ARHGAP6: variants seen among roughly 807,000 people sequenced by gnomAD.
The protein encoded by ARHGAP6 is rho GTPase-activating protein 6.
A neutral mutation model predicts 55.7 loss-of-function variants in ARHGAP6; 16 were observed. The observed-to-expected ratio is 0.29, with a 90% CI of 0.19 to 0.44. The LOEUF is 0.44. ARHGAP6 is among the 20% of genes least tolerant of loss of function. The probability of loss-of-function intolerance (pLI) is 1.00; values close to 1 mark genes in which losing one functional copy is unlikely to be tolerated. For missense variants in ARHGAP6, 698 were observed against 808.9 expected, an observed-to-expected ratio of 0.86 and a Z score of 1.66; for synonymous variants, 382 against 360.9, an observed-to-expected ratio of 1.06 and a Z score of -0.66.
chrX:11,423,518 C>T (rs1167033311), intron 1 of ARHGAP6, among the ~76,000 whole-genome samples: 1 of 112,121 alleles, frequency 8.9e-6, no homozygotes, highest in Non-Finnish European at 1.9e-5. Context: ...ACAGATGGTG[C>T]AGTGACCACA....
At chrX:11,174,389 C>T (rs1569240848) in intron 8 of ARHGAP6, among the ~76,000 whole-genome samples, 1 of 111,808 alleles carries the variant, frequency 8.9e-6, no homozygotes, top group East Asian at 2.8e-4. Flanking sequence ...CCTCCTCCAC[C>T]TCTTAGATGC....
At chrX:11,545,133 G>A (rs899914634) in intron 1 of ARHGAP6, among the ~76,000 whole-genome samples, 11 of 111,799 alleles carry the variant, frequency 9.8e-5, no homozygotes, top group African/African-American at 3.2e-4. Flanking sequence ...ATGAGGGGCA[G>A]GGAGTCAGGA....
chrX:11,634,773 TGTAATAAA>T (rs1043034780), intron 1 of ARHGAP6, among the ~76,000 whole-genome samples: 1 of 112,252 alleles, frequency 8.9e-6, no homozygotes, highest in Non-Finnish European at 1.9e-5. Context: ...CCTATTGCTA[TGTAATAAA>T]GTACTTCAAT....
intron 1 of ARHGAP6, among the ~76,000 whole-genome samples, chrX:11,275,538 C>G (rs1032099699): frequency 1.8e-5 from 2 of 111,599 alleles, no homozygotes; most frequent in Non-Finnish European, 3.8e-5. Flanking sequence ...TTAACACTTC[C>G]TCTCTGGGAA....
At chrX:11,256,522 T>C (rs1181345987) in intron 1 of ARHGAP6, among the ~76,000 whole-genome samples, 2 of 112,081 alleles carry the variant, frequency 1.8e-5, no homozygotes, top group African/African-American at 6.5e-5. Flanking sequence ...CAAAAGTGAA[T>C]GGCATGATGT....
chrX:11,344,226 C>G (rs1336103966), intron 1 of ARHGAP6, among the ~76,000 whole-genome samples: 1 of 111,276 alleles, frequency 9.0e-6, no homozygotes, highest in African/African-American at 3.3e-5. Context: ...GGTCTCTACC[C>G]ACTAGATGCC....
At chrX:11,599,727 C>A (rs1311154607) in intron 1 of ARHGAP6, among the ~76,000 whole-genome samples, 2 of 111,304 alleles carry the variant, frequency 1.8e-5, no homozygotes, top group Admixed American at 9.6e-5. Flanking sequence ...CTACAGGTAA[C>A]AATAGTGTAT....
In ARHGAP6 at chrX:11,281,730, C is replaced by T. The variant is rs532718015; in HGVS notation, c.589-27023G>A. 6.3e-5 allele frequency among the ~76,000 whole-genome samples: 7 copies of T among 111,778 alleles called. No homozygotes were observed. In the South Asian group the frequency reaches 2.6e-3, roughly 42 times the overall value. On this transcript the variant is annotated intron_variant, in intron 1 of 12. Transcript: ENST00000337414. ...TTCTCAAATGGTTATTAGTGGCCATCACTGGAGGATGGGATTTGTGGGACT... is the reference window on the plus strand; with the variant it reads ...TTCTCAAATGGTTATTAGTGGCCATTACTGGAGGATGGGATTTGTGGGACT...
At chrX:11,200,211 C>T (rs1346788187) in intron 2 of ARHGAP6, among the ~76,000 whole-genome samples, 1 of 112,612 alleles carries the variant, frequency 8.9e-6, no homozygotes, top group African/African-American at 3.2e-5. Flanking sequence ...GCTAACTGCT[C>T]CCAGTGTGTG....
chrX:11,225,853 C>CT (rs986893354), intron 2 of ARHGAP6: 118 of 229,447 alleles, frequency 5.1e-4, no homozygotes, highest in South Asian at 1.0e-3. Flanking sequence ...ATGGAAAGAC[C>CT]TTTTTTTTTG....
intron 1 of ARHGAP6, among the ~76,000 whole-genome samples, chrX:11,404,591 ATCTTAAAAAGTTTTGTG>A (rs2049588877): frequency 1.8e-5 from 2 of 112,222 alleles, no homozygotes; most frequent in South Asian, 7.4e-4. Context: ...CCAAAACCTC[ATCTTAAAAAGTTTTGTG>A]TTTGTGGGTG....
chrX:11,220,309 C>A (rs1200313655), intron 2 of ARHGAP6, among the ~76,000 whole-genome samples: 2 of 111,017 alleles, frequency 1.8e-5, no homozygotes, highest in Non-Finnish European at 3.8e-5. Flanking sequence ...TCGAGAAGAG[C>A]AACTCCAAGA....
intron 1 of ARHGAP6, among the ~76,000 whole-genome samples, chrX:11,580,934 A>C (rs184343621): frequency 1.1e-4 from 12 of 112,349 alleles, no homozygotes; most frequent in Admixed American, 1.0e-3. Flanking sequence ...CGCCATCTGC[A>C]ACTACTGGAA....
intron 1 of ARHGAP6, among the ~76,000 whole-genome samples, chrX:11,378,041 G>A (rs1218309208): frequency 8.9e-6 from 1 of 111,755 alleles, no homozygotes; most frequent in Non-Finnish European, 1.9e-5. Context: ...GGTGGCTCTA[G>A]GCTGTGTGGC....
chrX:11,575,241 A>G (rs985484791), intron 1 of ARHGAP6, among the ~76,000 whole-genome samples: 17 of 112,020 alleles, frequency 1.5e-4, no homozygotes, highest in African/African-American at 5.5e-4. Context: ...GGATGCCACA[A>G]GACAGAAGAA....
At chrX:11,599,138 C>A (rs1209435960) in intron 1 of ARHGAP6, among the ~76,000 whole-genome samples, 1 of 111,393 alleles carries the variant, frequency 9.0e-6, no homozygotes. Flanking sequence ...ACCTCATCTT[C>A]TTGATCTCTT....
At chrX:11,364,925 T>C (rs758456920) in intron 1 of ARHGAP6, among the ~76,000 whole-genome samples, 1 of 110,139 alleles carries the variant, frequency 9.1e-6, no homozygotes, top group Non-Finnish European at 1.9e-5. Flanking sequence ...CAGGAAGCCC[T>C]TACTGCAGGG....
At chrX:11,277,085 T>C (rs899773219) in intron 1 of ARHGAP6, among the ~76,000 whole-genome samples, 10 of 111,356 alleles carry the variant, frequency 9.0e-5, no homozygotes, top group South Asian at 3.9e-4. Flanking sequence ...TCTGTCTCTA[T>C]GGTTTTGCAT....
In ARHGAP6 at chrX:11,567,566, A is replaced by AATATATATAT. The variant is rs1556078452; in HGVS notation, c.588+96665_588+96674dup. The stretch of plus-strand genomic sequence containing the variant: ...GAGACTCCATCTCAAAAAAAAAAAA[A>AATATATATAT]ATATATATATATATTTGCCTCAGAG... On this transcript the variant is annotated intron_variant, in intron 1 of 12. Coordinates refer to ENST00000337414, the MANE Select transcript of ARHGAP6 (RefSeq NM_013427.3). Among the ~76,000 whole-genome samples the AATATATATAT allele has an allele frequency of 4.6e-3, 380 of 82,262 alleles. 1 individual carries two copies. Among genetic ancestry groups the AATATATATAT allele is most frequent in the Middle Eastern group, 7.2e-3 (1 of 138 alleles). The allele number at this position is 82,262 out of a possible 115,157, so 71.4% of individuals were successfully genotyped here.
Sources: gnomAD v4.1 joint callset for allele counts (sites outside exome capture counted in the v4.1 genomes callset) on GRCh38, gnomAD v4.1.1 for gene constraint, MANE v1.5 for transcripts, NCBI Gene and HGNC (gene_info 2026-07-23, HGNC 2026-07-21) for gene names.